Variants in TBL2 observed in about 807,000 individuals in gnomAD.
The protein encoded by TBL2 is transducin beta-like protein 2.
In TBL2, 33 loss-of-function variants were observed where a neutral mutation model predicts 41.8. The observed-to-expected ratio is 0.79, with a 90% confidence interval of 0.60 to 1.06. TBL2 has a LOEUF of 1.06. Ranked by LOEUF, TBL2 falls within the 50% of genes least tolerant of loss-of-function variation. The pLI is 0.00. For synonymous variants in TBL2, 239 were observed against 241.7 expected (o/e 0.99, Z 0.10); for missense variants, 522 against 603.8 (o/e 0.86, Z 1.42).
rs1421344217 is a variant in TBL2, at chr7:73,570,166, T to C, written c.*341A>G. 8.9e-6 allele frequency: 2 copies of C among 225,224 alleles called. No individual in the cohort carries two copies. The highest frequency in any genetic ancestry group is 1.7e-5 in the Non-Finnish European group (2 of 114,462). 14.0% of individuals were successfully genotyped at this position (225,224 alleles called of 1,614,324 possible). On this transcript the variant is annotated 3_prime_UTR_variant, in exon 7 of 7. Coordinates refer to ENST00000305632, the MANE Select transcript of TBL2 (RefSeq NM_012453.4). ...TGTTCTGGAACATTTACAAACTTCTTTGGGTGTGAGGATGTGCTGCCACAA... is the reference window on the plus strand; with the variant it reads ...TGTTCTGGAACATTTACAAACTTCTCTGGGTGTGAGGATGTGCTGCCACAA...
chr7:73,571,874 C>T (rs1404073909), intron 5 of TBL2: 5 of 158,926 alleles, frequency 3.1e-5, no homozygotes, highest in African/African-American at 9.7e-5. Flanking sequence ...CCAGCCTGAC[C>T]AACATGGAGA....
chr7:73,571,082 C>T (rs1372555394), intron 6 of TBL2, 107 bp downstream of exon 6: 168 of 1,578,966 alleles, frequency 1.1e-4, no homozygotes, highest in Non-Finnish European at 1.4e-4. Context: ...CTGCCGAGGG[C>T]CAGGCACCCC....
chr7:73,578,281 T>G, intron 1 of TBL2, 139 bp downstream of exon 1: 1 of 1,534,174 alleles, frequency 6.5e-7, no homozygotes, highest in Non-Finnish European at 8.7e-7. Context: ...GAAGCGAAGC[T>G]CACGTTACCA....
intron 4 of TBL2, 126 bp downstream of exon 4, chr7:73,573,194 G>C: frequency 2.1e-6 from 3 of 1,460,582 alleles, no homozygotes; most frequent in Non-Finnish European, 2.8e-6. Context: ...AGGCTGTTCA[G>C]AGCCAGGGAC....
At chr7:73,576,987 G>A (rs1267923959) in intron 1 of TBL2, among the ~76,000 whole-genome samples, 1 of 152,068 alleles carries the variant, frequency 6.6e-6, no homozygotes, top group African/African-American at 2.4e-5. Flanking sequence ...GCCAGGCAGG[G>A]TGGCTCACGC....
chr7:73,574,183 C>G, intron 2 of TBL2, 61 bp from the exon 3 acceptor site: 1 of 1,590,388 alleles, frequency 6.3e-7, no homozygotes, highest in South Asian at 1.1e-5. Context: ...GGAAGCCAAA[C>G]CTGGAGCCGG....
At chr7:73,573,502 T>C in intron 3 of TBL2, 31 bp from the exon 4 acceptor site, 1 of 1,613,006 alleles carries the variant, frequency 6.2e-7, no homozygotes, top group East Asian at 2.2e-5. Flanking sequence ...AGTCACGCTC[T>C]CACTGGACAA....
chr7:73,574,187 G>A, intron 2 of TBL2, 65 bp from the exon 3 acceptor site: 1 of 1,584,876 alleles, frequency 6.3e-7, no homozygotes, highest in South Asian at 1.2e-5. Flanking sequence ...GCCAAACCTG[G>A]AGCCGGGGAG....
At chr7:73,578,388 G>C (rs1793473987) in intron 1 of TBL2, 32 bp downstream of exon 1, 1 of 1,521,418 alleles carries the variant, frequency 6.6e-7, no homozygotes, top group South Asian at 1.2e-5. Flanking sequence ...GGGACACCGC[G>C]GGCCGCCCCC....
intron 1 of TBL2, chr7:73,576,666 G>A: frequency 2.2e-6 from 1 of 456,566 alleles, no homozygotes; most frequent in Non-Finnish European, 4.4e-6. Context: ...GACTGCAGAT[G>A]CTCCCCAATT....
At position 73,570,300 on chromosome 7, in the gene TBL2, G is replaced by T; in HGVS notation, c.*207C>A. On this transcript the variant is annotated 3_prime_UTR_variant, in exon 7 of 7. Coordinates refer to ENST00000305632, the MANE Select transcript of TBL2 (RefSeq NM_012453.4). ...GGCCTGGGAGGAAGAAAAGCACCTT[G>T]GCCACTAGTCAGGGAGGAGTCACAG... is the stretch of plus-strand genomic sequence containing the variant. The T allele has an allele frequency of 1.2e-6, 1 of 834,962 alleles. No individual in the cohort carries two copies. The highest frequency in any genetic ancestry group is 1.7e-6 in the Non-Finnish European group (1 of 584,710). The allele number at this position is 834,962 out of a possible 1,614,324, so 51.7% of individuals were successfully genotyped here.
intron 1 of TBL2, 89 bp from the exon 2 acceptor site, chr7:73,574,602 C>G (rs1563453071): frequency 6.3e-7 from 1 of 1,578,910 alleles, no homozygotes. Flanking sequence ...AGTGGAACAG[C>G]AGGAGATTAA....
chr7:73,575,121 C>CTT (rs1717861317), intron 1 of TBL2, among the ~76,000 whole-genome samples: 1 of 149,552 alleles, frequency 6.7e-6, no homozygotes, highest in East Asian at 1.9e-4. Flanking sequence ...TTTTTTTTTT[C>CTT]TTTTCTTTCT....
chr7:73,573,351 C>A lies in TBL2; in HGVS notation c.567G>T (p.Ala189=). ...TPEDFPKKHK[A]PVIDIGIANT... ...TAGCAATGCCAATGTCGATGACAGG[C>A]GCCTTGTGCTTTTTAGGGAAGTCCT... Residue 189 remains alanine (A), a synonymous_variant, in exon 4 of 7, where the codon GCG becomes GCT. Coordinates refer to ENST00000305632, the MANE Select transcript of TBL2 (RefSeq NM_012453.4). 4 of 1,614,194 alleles carry A rather than the reference C, an allele frequency of 2.5e-6. No homozygotes were observed. Among genetic ancestry groups the A allele is most frequent in the Non-Finnish European group, 2.5e-6 (3 of 1,180,024 alleles).
At chr7:73,576,619 ATACT>A (rs1554588988) in intron 1 of TBL2, 5 of 456,504 alleles carry the variant, frequency 1.1e-5, no homozygotes, top group Admixed American at 7.1e-5. Flanking sequence ...TTTGTAAAAG[ATACT>A]TAATTGAGTC....
chr7:73,572,348 C>G (rs2115947638), intron 5 of TBL2, among the ~76,000 whole-genome samples: 1 of 152,258 alleles, frequency 6.6e-6, no homozygotes, highest in Admixed American at 6.5e-5. Context: ...ACTCGGGAGG[C>G]TAAGGTGGGA....
rs1303878541 is a variant in TBL2, at chr7:73,578,561, C to T, written c.-12G>A. The T allele has an allele frequency of 2.5e-6, 4 of 1,586,836 alleles. No homozygotes were observed. The highest frequency in any genetic ancestry group is 3.4e-6 in the Non-Finnish European group (4 of 1,168,938). On this transcript the variant is annotated 5_prime_UTR_variant, in exon 1 of 7. Coordinates refer to ENST00000305632, the MANE Select transcript of TBL2 (RefSeq NM_012453.4). ...TGCGAGAGCTCCATGTTGGTGGAAC[C>T]ACTGCCACCTCAGCTAGTGAGTACG...
rs782638239 is a variant in TBL2 at position 73,574,383 on chromosome 7, C to T, written c.261G>A (p.Lys87=). ...FTHRLLAAAL[K]SHSGNISCMD... The stretch of plus-strand genomic sequence containing the variant: ...ACGCTGTGCCAGGTACCCCACGTAC[C>T]TTCAGAGCTGCAGCCAGGAGGCGGT... Residue 87 remains lysine (K), a splice_region_variant and synonymous_variant, in exon 2 of 7, where the codon AAG becomes AAA. Coordinates refer to ENST00000305632, the MANE Select transcript of TBL2 (RefSeq NM_012453.4). The T allele has an allele frequency of 2.5e-6, 4 of 1,613,170 alleles. No homozygotes were observed. Among genetic ancestry groups the T allele is most frequent in the Non-Finnish European group, 3.4e-6 (4 of 1,180,022 alleles).
In TBL2 at chr7:73,570,760, T is replaced by C. The variant is rs782112015; in HGVS notation, c.1091A>G (p.Lys364Arg). Reference sequence around the variant, plus strand: ...ATGGACCCGCTCAAAGCACTCCTCCTTCTCGCCCCGCCGGGTATTGTAGAG... The same window carrying C: ...ATGGACCCGCTCAAAGCACTCCTCCCTCTCGCCCCGCCGGGTATTGTAGAG... ...IHLYNTRRGE[K>R]EECFERVHGE... The change falls in exon 7 of 7, where the codon AAG (lysine) becomes AGG (arginine). Residue 364 changes from lysine to arginine, a missense_variant. Physicochemically the swap from Lys to Arg is conservative, Grantham distance 26. Transcript: ENST00000305632. 3 of 1,614,204 alleles carry C rather than the reference T, an allele frequency of 1.9e-6. No homozygotes were observed. The highest frequency in any genetic ancestry group is 2.5e-6 in the Non-Finnish European group (3 of 1,180,042).
Sources: gnomAD v4.1 joint callset for allele counts (sites outside exome capture counted in the v4.1 genomes callset) on GRCh38, gnomAD v4.1.1 for gene constraint, MANE v1.5 for transcripts, NCBI Gene and HGNC (gene_info 2026-07-23, HGNC 2026-07-21) for gene names.